The following GNG7 variants were observed in gnomAD, a reference collection of about 807,000 sequenced individuals.
The protein encoded by GNG7 is G protein subunit gamma 7.
A neutral mutation model predicts 4.0 loss-of-function variants in GNG7; 1 was observed. The ratio of observed to expected loss-of-function variants is 0.25; its 90% CI spans 0.09 to 1.18. The LOEUF (loss-of-function observed/expected upper bound fraction) is 1.18. GNG7 is among the 50% of genes most tolerant of loss of function. The pLI, the probability that GNG7 is intolerant of heterozygous loss-of-function variation, is 0.50. For missense variants in GNG7, 86 were observed against 91.9 expected, an observed-to-expected ratio of 0.94 and a Z score of 0.26; for synonymous variants, 34 against 36.9, an observed-to-expected ratio of 0.92 and a Z score of 0.29.
chr19:2,684,990 G>A (rs1268353743), intron 1 of GNG7, among the ~76,000 whole-genome samples: 3 of 152,126 alleles, frequency 2.0e-5, no homozygotes, highest in African/African-American at 7.2e-5. Context: ...CAGGCGTGGC[G>A]GCACACGCCT....
intron 2 of GNG7, among the ~76,000 whole-genome samples, chr19:2,600,135 A>G (rs1264995536): frequency 6.6e-6 from 1 of 151,976 alleles, no homozygotes; most frequent in African/African-American, 2.4e-5. Context: ...GCCCTTAAAC[A>G]GCTTGTGTTT....
chr19:2,623,335 C>T (rs1981931789), intron 2 of GNG7, among the ~76,000 whole-genome samples: 1 of 151,260 alleles, frequency 6.6e-6, no homozygotes, highest in African/African-American at 2.4e-5. Context: ...AACAAATAAA[C>T]AAGGTGTTCC....
intron 1 of GNG7, among the ~76,000 whole-genome samples, chr19:2,686,132 C>T (rs1983863874): frequency 6.6e-6 from 1 of 151,688 alleles, no homozygotes. Flanking sequence ...CAGGCAGTTT[C>T]CCAGCCGTGT....
At chr19:2,615,688 G>A (rs977157266) in intron 2 of GNG7, among the ~76,000 whole-genome samples, 1 of 151,440 alleles carries the variant, frequency 6.6e-6, no homozygotes. Context: ...TGGTCTCGAT[G>A]TCCTGACCTC....
intron 2 of GNG7, among the ~76,000 whole-genome samples, chr19:2,622,371 G>A (rs1220122851): frequency 6.6e-6 from 1 of 152,232 alleles, no homozygotes; most frequent in Non-Finnish European, 1.5e-5. Context: ...GAGCCACCGC[G>A]CCCGGCTCCT....
intron 2 of GNG7, among the ~76,000 whole-genome samples, chr19:2,612,258 C>G (rs1981591699): frequency 6.6e-6 from 1 of 152,164 alleles, no homozygotes; most frequent in Non-Finnish European, 1.5e-5. Flanking sequence ...TGGGGCCATC[C>G]TGGGCACTGC....
At chr19:2,638,256 G>C (rs1276341893) in intron 2 of GNG7, among the ~76,000 whole-genome samples, 4 of 150,842 alleles carry the variant, frequency 2.7e-5, no homozygotes, top group Non-Finnish European at 4.4e-5. Context: ...CCAGCTACTC[G>C]GGAGGCCGAG....
chr19:2,544,513 TA>T (rs1979062695), intron 3 of GNG7, among the ~76,000 whole-genome samples: 2 of 152,042 alleles, frequency 1.3e-5, no homozygotes, highest in Admixed American at 6.6e-5. Flanking sequence ...GCCTCCTGAG[TA>T]GCTGGGGTTA....
At chr19:2,685,550 A>T (rs1210956626) in intron 1 of GNG7, among the ~76,000 whole-genome samples, 1 of 152,132 alleles carries the variant, frequency 6.6e-6, no homozygotes, top group Non-Finnish European at 1.5e-5. Flanking sequence ...GCTGGAACCC[A>T]GGAGGCAGAG....
intron 1 of GNG7, among the ~76,000 whole-genome samples, chr19:2,657,406 A>ATATAT (rs1379164742): frequency 7.8e-6 from 1 of 128,582 alleles, no homozygotes; most frequent in Non-Finnish European, 1.6e-5. Context: ...ATATACACAT[A>ATATAT]ATAACATTTA....
At position 2,634,257 on chromosome 19, in the gene GNG7, C is replaced by T. The variant is rs149809071; in HGVS notation, c.-78+11967G>A. Among the ~76,000 whole-genome samples, 950 of 152,326 alleles carry T rather than the reference C, an allele frequency of 6.2e-3. 12 individuals are homozygous for T. The highest frequency in any genetic ancestry group is 0.022 in the African/African-American group (899 of 41,568). ...TGTGGACATTTGAGGCCCGATTGTT[C>T]TCTGGGGTGGGGCCGTCCTGGGCAC... On this transcript the variant is annotated intron_variant, in intron 2 of 4. Coordinates refer to ENST00000382159, the MANE Select transcript of GNG7 (RefSeq NM_052847.3). This position sits in a 1 kb window ranked among gnomAD's most constrained non-coding sequence, Gnocchi z 5.3.
intron 2 of GNG7, among the ~76,000 whole-genome samples, chr19:2,582,010 AG>A (rs1281434615): frequency 1.3e-5 from 2 of 152,220 alleles, no homozygotes; most frequent in African/African-American, 4.8e-5. Context: ...AAAGTGAAAA[AG>A]CAAAATGGAA....
chr19:2,522,990 G>C (rs1853002581), intron 3 of GNG7, among the ~76,000 whole-genome samples: 1 of 151,370 alleles, frequency 6.6e-6, no homozygotes, highest in Non-Finnish European at 1.5e-5. Flanking sequence ...TCTGCCTCCT[G>C]AGTAGCTGGG....
chr19:2,679,304 G>A (rs1367987079), intron 1 of GNG7, among the ~76,000 whole-genome samples: 1 of 152,032 alleles, frequency 6.6e-6, no homozygotes, highest in Non-Finnish European at 1.5e-5. Flanking sequence ...TCCCACCTAA[G>A]CCTCCCAAAG....
At position 2,520,688 on chromosome 19, in the gene GNG7, TTGTC is replaced by T; in HGVS notation, c.-4_-1del. The T allele has an allele frequency of 1.3e-6, 2 of 1,523,082 alleles. No individual in the cohort carries two copies. The highest frequency in any genetic ancestry group is 1.8e-6 in the Non-Finnish European group (2 of 1,120,392). The allele number at this position is 1,523,082 out of a possible 1,614,324, so 94.3% of individuals were successfully genotyped here. On this transcript the variant is annotated 5_prime_UTR_variant, in exon 4 of 5. Coordinates refer to ENST00000382159, the MANE Select transcript of GNG7 (RefSeq NM_052847.3). Reference sequence around the variant, plus strand: ...TGGGCTATGTTGTTAGTGGCTGACATTGTCTGCCATCAGCTCTGGGCCCCGTTGT... The same window carrying T: ...TGGGCTATGTTGTTAGTGGCTGACATTGCCATCAGCTCTGGGCCCCGTTGT...
chr19:2,579,273 C>T (rs1296110251), intron 2 of GNG7, among the ~76,000 whole-genome samples: 1 of 152,220 alleles, frequency 6.6e-6, no homozygotes, highest in Non-Finnish European at 1.5e-5. Flanking sequence ...CAGCGTAACC[C>T]AGAGTCCAGG....
At chr19:2,568,044 T>C (rs1979975045) in intron 2 of GNG7, among the ~76,000 whole-genome samples, 2 of 151,880 alleles carry the variant, frequency 1.3e-5, no homozygotes, top group South Asian at 4.1e-4. Context: ...TGCACACACG[T>C]GCAGATACAC....
chr19:2,627,780 T>C (rs894027579), intron 2 of GNG7, among the ~76,000 whole-genome samples: 1 of 152,232 alleles, frequency 6.6e-6, no homozygotes, highest in Non-Finnish European at 1.5e-5. Flanking sequence ...CTCACAGTTA[T>C]GTTCTCGAGA....
intron 2 of GNG7, among the ~76,000 whole-genome samples, chr19:2,625,109 G>C (rs150559433): frequency 6.6e-6 from 1 of 152,080 alleles, no homozygotes; most frequent in Non-Finnish European, 1.5e-5. Flanking sequence ...TTGCTCTGTC[G>C]CCAGGCTGGA....
Sources: gnomAD v4.1 joint callset for allele counts (sites outside exome capture counted in the v4.1 genomes callset) on GRCh38, gnomAD v4.1.1 for gene constraint, Gnocchi (gnomAD v3.1) non-coding constraint, MANE v1.5 for transcripts, NCBI Gene and HGNC (gene_info 2026-07-23, HGNC 2026-07-21) for gene names.